GULP1: variants seen among roughly 807,000 people sequenced by gnomAD.
GULP1 encodes the protein PTB domain-containing engulfment adapter protein 1.
Under a neutral mutation model 40.9 loss-of-function variants are expected in GULP1, and 19 were observed. That is an observed-to-expected ratio of 0.46 (90% CI 0.32 to 0.68). The LOEUF is 0.68. GULP1 is among the 30% of genes least tolerant of loss of function. The probability of loss-of-function intolerance (pLI) is 0.03; values close to 1 mark genes in which losing one functional copy is unlikely to be tolerated. For missense variants in GULP1, 312 were observed against 362.2 expected, an observed-to-expected ratio of 0.86 and a Z score of 1.12; for synonymous variants, 119 against 117.6, an observed-to-expected ratio of 1.01 and a Z score of -0.08.
intron 2 of GULP1, among the ~76,000 whole-genome samples, chr2:188,410,475 G>C (rs541226420): frequency 1.3e-5 from 2 of 152,190 alleles, no homozygotes; most frequent in East Asian, 3.9e-4. Context: ...AAATATATAA[G>C]AAATTCAAAA....
At chr2:188,307,789 A>G (rs72905601) in intron 1 of GULP1, among the ~76,000 whole-genome samples, 1,742 of 152,286 alleles carry the variant, frequency 0.011, 14 homozygotes, top group Non-Finnish European at 0.02. Context: ...ATTTAGGTGT[A>G]TTTACTGATA....
chr2:188,522,997 C>T (rs1559339760), intron 5 of GULP1, 170 bp downstream of exon 5: 4 of 501,824 alleles, frequency 8.0e-6, no homozygotes, highest in East Asian at 6.1e-5. Flanking sequence ...TAATAACAAA[C>T]ATGTACACAA....
intron 7 of GULP1, among the ~76,000 whole-genome samples, chr2:188,554,273 T>C (rs1289391092): frequency 6.6e-6 from 1 of 152,130 alleles, no homozygotes; most frequent in Non-Finnish European, 1.5e-5. Flanking sequence ...AATTTTTTGA[T>C]ACAGGAATTT....
At chr2:188,432,415 T>C (rs2056972042) in intron 2 of GULP1, among the ~76,000 whole-genome samples, 1 of 151,892 alleles carries the variant, frequency 6.6e-6, no homozygotes, top group Non-Finnish European at 1.5e-5. Context: ...TTTTAGTCTG[T>C]GACTATCGGG....
At chr2:188,391,275 A>T (rs929581771) in intron 2 of GULP1, among the ~76,000 whole-genome samples, 1 of 152,004 alleles carries the variant, frequency 6.6e-6, no homozygotes, top group Non-Finnish European at 1.5e-5. Flanking sequence ...GTCATGTATG[A>T]TTTCTTTCAG....
chr2:188,309,938 C>G (rs980491899), intron 1 of GULP1, among the ~76,000 whole-genome samples: 1 of 152,216 alleles, frequency 6.6e-6, no homozygotes, highest in Non-Finnish European at 1.5e-5. Context: ...TAAGCTTAAT[C>G]TGCCTTCTGC....
chr2:188,583,758 A>G (rs942110756), intron 9 of GULP1, among the ~76,000 whole-genome samples: 2 of 152,204 alleles, frequency 1.3e-5, no homozygotes, highest in African/African-American at 4.8e-5. Flanking sequence ...TGATATAAAT[A>G]CAAACTAAAA....
intron 1 of GULP1, among the ~76,000 whole-genome samples, chr2:188,305,514 A>C (rs1386273960): frequency 6.6e-6 from 1 of 152,178 alleles, no homozygotes; most frequent in Non-Finnish European, 1.5e-5. Flanking sequence ...TTTGATTCAC[A>C]ATCAGATTAG....
At chr2:188,459,343 T>A (rs896774393) in intron 2 of GULP1, among the ~76,000 whole-genome samples, 3 of 152,102 alleles carry the variant, frequency 2.0e-5, no homozygotes, top group Admixed American at 1.3e-4. Flanking sequence ...TTCTCCACAT[T>A]CTCGCTAGCA....
At chr2:188,422,763 C>A (rs1258204626) in intron 2 of GULP1, among the ~76,000 whole-genome samples, 5 of 152,062 alleles carry the variant, frequency 3.3e-5, no homozygotes, top group East Asian at 1.9e-4. Flanking sequence ...TATGAAAGTA[C>A]CTTTTCCTTT....
At chr2:188,487,794 G>A (rs1235909609) in intron 4 of GULP1, among the ~76,000 whole-genome samples, 2 of 151,968 alleles carry the variant, frequency 1.3e-5, no homozygotes, top group African/African-American at 4.8e-5. Context: ...AGGTGTCAGA[G>A]TTTTACATAT....
At chr2:188,569,485 C>A in intron 8 of GULP1, 130 bp downstream of exon 8, 2 of 687,944 alleles carry the variant, frequency 2.9e-6, no homozygotes, top group East Asian at 2.7e-5. Flanking sequence ...CTGCTTTCAC[C>A]GTGTTCCCAT....
chr2:188,585,616 T>C (rs1702206857), intron 10 of GULP1, among the ~76,000 whole-genome samples: 3 of 152,326 alleles, frequency 2.0e-5, no homozygotes, highest in South Asian at 4.1e-4. Flanking sequence ...TTGAGCTGTA[T>C]CTTGGCCCCT....
intron 1 of GULP1, among the ~76,000 whole-genome samples, chr2:188,310,661 A>G (rs541954021): frequency 2.6e-5 from 4 of 152,258 alleles, no homozygotes; most frequent in African/African-American, 9.6e-5. Context: ...GTAGGGGGAA[A>G]TCCTGAGATG....
rs533255247 is a variant in GULP1 at position 188,378,960 on chromosome 2, T to C, written c.-171-4803T>C. On this transcript the variant is annotated intron_variant, in intron 1 of 11. Coordinates refer to ENST00000409830, the MANE Select transcript of GULP1 (RefSeq NM_016315.4). ...ATCTTAATATAGATGATTTTTATTT[T>C]CCTTTATAATTTTCTAATTTTCTAA... Among the ~76,000 whole-genome samples the C allele has an allele frequency of 5.3e-5, 8 of 152,324 alleles. No homozygotes were observed. The East Asian group carries it at 9.6e-4, about 18-fold the overall frequency.
chr2:188,350,359 A>G (rs2044281830), intron 1 of GULP1, among the ~76,000 whole-genome samples: 2 of 152,096 alleles, frequency 1.3e-5, no homozygotes, highest in African/African-American at 4.8e-5. Context: ...TTCTTCTCTA[A>G]TTTCTTTCAA....
intron 1 of GULP1, among the ~76,000 whole-genome samples, chr2:188,311,692 T>G (rs1364039653): frequency 7.0e-6 from 1 of 143,042 alleles, no homozygotes; most frequent in African/African-American, 2.6e-5. Context: ...AAGCATTTTA[T>G]GATAAGCATT....
chr2:188,379,602 A>C (rs2152488450), intron 1 of GULP1, among the ~76,000 whole-genome samples: 1 of 152,222 alleles, frequency 6.6e-6, no homozygotes, highest in South Asian at 2.1e-4. Context: ...GATCTTCCTA[A>C]ATACATATCT....
chr2:188,549,412 T>G (rs1692869605), intron 7 of GULP1, among the ~76,000 whole-genome samples: 1 of 151,840 alleles, frequency 6.6e-6, no homozygotes, highest in African/African-American at 2.4e-5. Flanking sequence ...CAAACATTGG[T>G]GTCCATTAGG....
Sources: allele counts gnomAD v4.1 joint callset (sites outside exome capture counted in the v4.1 genomes callset), GRCh38; gene constraint gnomAD v4.1.1; transcripts MANE v1.5; gene names NCBI Gene and HGNC (gene_info 2026-07-23, HGNC 2026-07-21).